The following DNAH8 variants were observed in gnomAD, a reference collection of about 807,000 sequenced individuals.
The protein encoded by DNAH8 is axonemal beta dynein heavy chain 8.
In DNAH8, 382 loss-of-function variants were observed where a neutral mutation model predicts 562.1. The observed-to-expected ratio is 0.68, with a 90% CI of 0.63 to 0.74. The LOEUF (loss-of-function observed/expected upper bound fraction) is 0.74, where lower values mean the gene tolerates loss of function less well. Among genes scored for constraint, DNAH8 ranks in the 30% least tolerant of loss-of-function variants. DNAH8 has a pLI of 0.00. For missense variants in DNAH8, 5,203 were observed against 5,620.4 expected (o/e 0.93, Z 2.37); for synonymous variants, 1,881 against 1,919.4 (o/e 0.98, Z 0.52).
intron 4 of DNAH8, among the ~76,000 whole-genome samples, chr6:38,732,127 G>A (rs1763704026): frequency 6.6e-6 from 1 of 152,220 alleles, no homozygotes. Context: ...TGACAGGGTA[G>A]CCTAGACATT....
intron 77 of DNAH8, 151 bp from the exon 78 acceptor site, chr6:38,937,823 G>A (rs1783092586): frequency 1.1e-6 from 1 of 876,600 alleles, no homozygotes; most frequent in South Asian, 1.8e-5. Flanking sequence ...AAGCTTTTTG[G>A]TGTCTTAAGA....
In DNAH8 at chr6:38,842,845, C is replaced by G. The variant is rs780210807; in HGVS notation, c.4787C>G (p.Ser1596Cys). The stretch of plus-strand genomic sequence containing the variant: ...ACCCCATTTGATGTGGAATCTGATT[C>G]TTTTTGCCTTAGAAATATCATGGAA... ...TGTPFDVESD[S>C]FCLRNIMEAP... Residue 1596 changes from serine to cysteine, a missense_variant, in exon 35 of 93, where the codon TCT (serine) becomes TGT (cysteine). Physicochemically the swap from Ser to Cys is moderately radical, Grantham distance 112 (BLOSUM62 -1). Transcript: ENST00000327475. 1 of 1,613,746 alleles carries G rather than the reference C, an allele frequency of 6.2e-7. No homozygotes were observed. The highest frequency in any genetic ancestry group is 2.2e-5 in the East Asian group (1 of 44,812).
At chr6:38,888,817 A>G (rs1583282610) in intron 57 of DNAH8, among the ~76,000 whole-genome samples, 1 of 152,358 alleles carries the variant, frequency 6.6e-6, no homozygotes, top group Non-Finnish European at 1.5e-5. Flanking sequence ...CCCTTTGGAT[A>G]ACAATTTTGC....
At chr6:38,806,952 C>T (rs1771332618) in intron 23 of DNAH8, among the ~76,000 whole-genome samples, 1 of 152,116 alleles carries the variant, frequency 6.6e-6, no homozygotes, top group African/African-American at 2.4e-5. Context: ...CTCAGAGGGG[C>T]CGGGTTCTAG....
In DNAH8 at chr6:38,875,786, G is replaced by A. The variant is rs760543824; in HGVS notation, c.7816G>A (p.Gly2606Ser). Residue 2606 changes from glycine to serine, a missense_variant, in exon 53 of 93, where the codon GGC (glycine) becomes AGC (serine). Physicochemically the swap from Gly to Ser is moderately conservative, Grantham distance 56 (BLOSUM62 0). Transcript: ENST00000327475. ...GTTGGACTTACCAGAAATACCTAAA[G>A]GCTCAAATCAAACCATGTATGAGTT... ...SKLDLPEIPKGSNQTMYEFYV... is the reference protein window; with the variant it reads ...SKLDLPEIPKSSNQTMYEFYV... 6.2e-7 allele frequency: 1 copy of A among 1,613,822 alleles called. No individual in the cohort carries two copies. The highest frequency in any genetic ancestry group is 1.1e-5 in the South Asian group (1 of 91,074).
At chr6:38,729,334 G>A (rs1053309716) in intron 3 of DNAH8, among the ~76,000 whole-genome samples, 1 of 152,186 alleles carries the variant, frequency 6.6e-6, no homozygotes, top group African/African-American at 2.4e-5. Flanking sequence ...GGATATTTCA[G>A]GGCTTTCGTT....
At chr6:38,783,416 C>T (rs1390615263) in intron 17 of DNAH8, among the ~76,000 whole-genome samples, 1 of 152,090 alleles carries the variant, frequency 6.6e-6, no homozygotes, top group Admixed American at 6.5e-5. Flanking sequence ...GGATATTTCT[C>T]CAGACTTTAT....
At chr6:38,743,372 C>CT (rs1348056899) in intron 8 of DNAH8, among the ~76,000 whole-genome samples, 1 of 151,988 alleles carries the variant, frequency 6.6e-6, no homozygotes, top group Non-Finnish European at 1.5e-5. Context: ...TTTCCCCTTT[C>CT]TTTTTTTGCA....
chr6:38,977,778 A>T (rs1190387993), intron 85 of DNAH8, among the ~76,000 whole-genome samples: 1 of 152,058 alleles, frequency 6.6e-6, no homozygotes, highest in Non-Finnish European at 1.5e-5. Context: ...TTTCCTATTG[A>T]TTGTCAATGT....
At chr6:38,916,921 T>C (rs1051816685) in intron 68 of DNAH8, among the ~76,000 whole-genome samples, 2 of 152,200 alleles carry the variant, frequency 1.3e-5, no homozygotes, top group African/African-American at 4.8e-5. Context: ...CCACACCTAA[T>C]ATAGACCCTG....
intron 48 of DNAH8, among the ~76,000 whole-genome samples, chr6:38,868,693 G>C (rs559455054): frequency 4.2e-5 from 6 of 142,554 alleles, no homozygotes; most frequent in South Asian, 2.2e-4. Context: ...TTTTTTCTTT[G>C]AAACAGACTC....
chr6:38,811,817 A>G (rs1030539775), intron 24 of DNAH8, among the ~76,000 whole-genome samples: 5 of 151,978 alleles, frequency 3.3e-5, no homozygotes, highest in African/African-American at 9.7e-5. Context: ...CTCCCTATCT[A>G]TGAGTTTCAC....
intron 88 of DNAH8, among the ~76,000 whole-genome samples, chr6:39,001,348 C>A (rs1332142725): frequency 2.0e-5 from 3 of 151,968 alleles, no homozygotes; most frequent in African/African-American, 7.3e-5. Context: ...GATAAACAAG[C>A]ATGTCATCAT....
intron 44 of DNAH8, 72 bp downstream of exon 44, chr6:38,862,530 T>C: frequency 1.3e-6 from 2 of 1,507,358 alleles, no homozygotes; most frequent in Non-Finnish European, 1.8e-6. Flanking sequence ...TTTTCTGATA[T>C]AAATCCAAAG....
intron 8 of DNAH8, among the ~76,000 whole-genome samples, chr6:38,745,991 T>C (rs1554198577): frequency 6.6e-6 from 1 of 152,232 alleles, no homozygotes; most frequent in Non-Finnish European, 1.5e-5. Context: ...ACTGTACACG[T>C]ATCGTATTTT....
chr6:38,787,386 G>A (rs1011134144), intron 18 of DNAH8, among the ~76,000 whole-genome samples: 1 of 151,952 alleles, frequency 6.6e-6, no homozygotes, highest in African/African-American at 2.4e-5. Flanking sequence ...TCACTAGTGC[G>A]GCAAAGTAAA....
chr6:39,007,314 A>G (rs1031024946), intron 88 of DNAH8, among the ~76,000 whole-genome samples: 4 of 152,348 alleles, frequency 2.6e-5, no homozygotes, highest in South Asian at 2.1e-4. Context: ...CCATATTACA[A>G]TGGCTTGTTT....
chr6:38,879,257 T>A, intron 53 of DNAH8, among the ~76,000 whole-genome samples: 1 of 151,978 alleles, frequency 6.6e-6, no homozygotes, highest in African/African-American at 2.4e-5. Context: ...AGGACAGTGT[T>A]ATGCTCATGC....
At chr6:38,769,117 G>C (rs1482843482) in intron 11 of DNAH8, among the ~76,000 whole-genome samples, 1 of 152,178 alleles carries the variant, frequency 6.6e-6, no homozygotes, top group African/African-American at 2.4e-5. Flanking sequence ...GAAACTTTCA[G>C]TGTATACTTT....
Sources: allele counts gnomAD v4.1 joint callset (sites outside exome capture counted in the v4.1 genomes callset), GRCh38; gene constraint gnomAD v4.1.1; transcripts MANE v1.5; gene names NCBI Gene and HGNC (gene_info 2026-07-23, HGNC 2026-07-21).